The following PTPRG variants were observed in gnomAD, a reference collection of about 807,000 sequenced individuals.
PTPRG encodes the protein receptor-type tyrosine-protein phosphatase gamma.
In PTPRG, 102 loss-of-function variants were observed where a neutral mutation model predicts 165.3. That is an observed-to-expected ratio of 0.62 (90% CI 0.53 to 0.73). PTPRG has a LOEUF of 0.73. Ranked by LOEUF, PTPRG falls within the 30% of genes least tolerant of loss-of-function variation. The pLI, the probability that PTPRG is intolerant of heterozygous loss-of-function variation, is 0.00. For synonymous variants in PTPRG, 675 were observed against 669.5 expected (o/e 1.01, Z -0.13); for missense variants, 1,866 against 1,861.4 (o/e 1.00, Z -0.05).
At chr3:62,114,021 G>A (rs1469293651) in intron 5 of PTPRG, among the ~76,000 whole-genome samples, 4 of 152,134 alleles carry the variant, frequency 2.6e-5, no homozygotes, top group East Asian at 1.9e-4. Context: ...CTTTCCGACC[G>A]GGTGTGGTGG....
At chr3:62,216,110 T>C (rs1314799138) in intron 12 of PTPRG, among the ~76,000 whole-genome samples, 1 of 151,412 alleles carries the variant, frequency 6.6e-6, no homozygotes, top group African/African-American at 2.4e-5. Context: ...TCCAGGTACT[T>C]GGAGGGCTAA....
intron 16 of PTPRG, chr3:62,261,893 A>G (rs1364406233): frequency 6.6e-6 from 1 of 152,194 alleles, no homozygotes; most frequent in African/African-American, 2.4e-5. Flanking sequence ...CTTTGTGGAA[A>G]AAAAAAGTCT....
intron 1 of PTPRG, among the ~76,000 whole-genome samples, chr3:61,599,146 T>C (rs1338833296): frequency 6.6e-6 from 1 of 152,194 alleles, no homozygotes; most frequent in Admixed American, 6.5e-5. Flanking sequence ...CATTAAACCA[T>C]TAATTAATTA....
intron 2 of PTPRG, among the ~76,000 whole-genome samples, chr3:61,948,047 A>G (rs2039807103): frequency 6.6e-6 from 1 of 152,174 alleles, no homozygotes; most frequent in Admixed American, 6.5e-5. Context: ...CTCTAAGGCC[A>G]GGCGCAGTGG....
At chr3:61,915,546 C>T (rs1308478773) in intron 2 of PTPRG, among the ~76,000 whole-genome samples, 1 of 152,132 alleles carries the variant, frequency 6.6e-6, no homozygotes, top group African/African-American at 2.4e-5. Flanking sequence ...TATTTGTCAT[C>T]ATCTTATTAT....
At chr3:61,797,312 AT>A (rs955565593) in intron 2 of PTPRG, among the ~76,000 whole-genome samples, 30 of 152,168 alleles carry the variant, frequency 2.0e-4, no homozygotes, top group African/African-American at 6.3e-4. Flanking sequence ...AAATTGTTGG[AT>A]TTTTTTCCCC....
At chr3:62,189,773 T>G (rs1473605233) in intron 8 of PTPRG, among the ~76,000 whole-genome samples, 1 of 152,112 alleles carries the variant, frequency 6.6e-6, no homozygotes, top group South Asian at 2.1e-4. Flanking sequence ...CCAACCTGAT[T>G]GCATCACTCT....
chr3:61,563,134 G>A (rs2106749319), intron 1 of PTPRG, among the ~76,000 whole-genome samples: 1 of 151,770 alleles, frequency 6.6e-6, no homozygotes, highest in South Asian at 2.1e-4. Context: ...ACGCGGGGAG[G>A]GGGCGGGGGC....
intron 2 of PTPRG, among the ~76,000 whole-genome samples, chr3:61,874,395 T>C (rs2037666775): frequency 6.6e-6 from 1 of 152,224 alleles, no homozygotes; most frequent in Non-Finnish European, 1.5e-5. Flanking sequence ...AAATTGGGTA[T>C]TTAAAGGCAC....
chr3:61,610,073 G>A (rs534991572), intron 1 of PTPRG, among the ~76,000 whole-genome samples: 37 of 149,480 alleles, frequency 2.5e-4, no homozygotes, highest in Admixed American at 1.9e-3. Flanking sequence ...TATGAACTCC[G>A]ATACCACACT....
Position 62,269,047 on chromosome 3 carries a change from C to G in PTPRG, c.2887C>G (p.Gln963Glu). 1.3e-6 allele frequency: 2 copies of G among 1,557,954 alleles called. No homozygotes were observed. The highest frequency in any genetic ancestry group is 2.3e-5 in the East Asian group (1 of 43,738). Reference protein sequence around the residue: ...LVEKGRRKCDQYWPTENSEEY... With the variant: ...LVEKGRRKCDEYWPTENSEEY... ...TTTCTTTCTGCAGCGAAAATGTGAT[C>G]AGTATTGGCCAACAGAGAACAGTGA... The change falls in exon 20 of 30, where the codon CAG becomes GAG. Residue 963 changes from glutamine to glutamate, a missense_variant. Gln to Glu is a conservative substitution (Grantham distance 29). Coordinates refer to ENST00000474889, the MANE Select transcript of PTPRG (RefSeq NM_002841.4).
At chr3:61,990,014 C>T (rs992064072) in intron 3 of PTPRG, among the ~76,000 whole-genome samples, 1 of 151,862 alleles carries the variant, frequency 6.6e-6, no homozygotes, top group African/African-American at 2.4e-5. Context: ...AAAATATAAA[C>T]TATAGATAAT....
intron 17 of PTPRG, among the ~76,000 whole-genome samples, chr3:62,265,638 G>A (rs1256975122): frequency 6.6e-6 from 1 of 152,028 alleles, no homozygotes; most frequent in Non-Finnish European, 1.5e-5. Context: ...AAAATGAACT[G>A]GTTAAAAAAG....
At chr3:62,024,978 T>C (rs2041774315) in intron 4 of PTPRG, among the ~76,000 whole-genome samples, 1 of 152,188 alleles carries the variant, frequency 6.6e-6, no homozygotes, top group African/African-American at 2.4e-5. Flanking sequence ...GACCTAACCC[T>C]AGCAATTTCT....
At chr3:61,773,862 T>TC (rs1575652856) in intron 2 of PTPRG, among the ~76,000 whole-genome samples, 1 of 151,730 alleles carries the variant, frequency 6.6e-6, no homozygotes, top group African/African-American at 2.4e-5. Context: ...ACAACCTCCG[T>TC]CCCCCGTGTT....
At chr3:61,758,168 A>G (rs1263247456) in intron 2 of PTPRG, among the ~76,000 whole-genome samples, 1 of 151,704 alleles carries the variant, frequency 6.6e-6, no homozygotes, top group Non-Finnish European at 1.5e-5. Flanking sequence ...TAATTTTTGT[A>G]GAGTTGAGAT....
intron 1 of PTPRG, among the ~76,000 whole-genome samples, chr3:61,564,033 C>A (rs975696859): frequency 6.6e-6 from 1 of 152,204 alleles, no homozygotes; most frequent in African/African-American, 2.4e-5. Flanking sequence ...TGGAGTCCTG[C>A]CTCTACGGTA....
chr3:61,775,070 A>AATTGTT (rs544519290), intron 2 of PTPRG, among the ~76,000 whole-genome samples: 10 of 151,994 alleles, frequency 6.6e-5, no homozygotes, highest in Non-Finnish European at 1.3e-4. Flanking sequence ...CCTTAAAGAA[A>AATTGTT]ATTGTTGTTG....
chr3:62,292,587 A>T, intron 29 of PTPRG, 31 bp downstream of exon 29: 17 of 1,605,512 alleles, frequency 1.1e-5, no homozygotes, highest in Non-Finnish European at 1.2e-5. Context: ...TAAAACCTGT[A>T]CTACATCAGT....
Sources: gnomAD v4.1 joint callset for allele counts (sites outside exome capture counted in the v4.1 genomes callset) on GRCh38, gnomAD v4.1.1 for gene constraint, MANE v1.5 for transcripts, NCBI Gene and HGNC (gene_info 2026-07-23, HGNC 2026-07-21) for gene names.